The following SORL1 variants were observed in gnomAD, a reference collection of about 807,000 sequenced individuals.
The protein encoded by SORL1 is sortilin related receptor 1.
Under a neutral mutation model 273.7 loss-of-function variants are expected in SORL1, and 127 were observed. The observed-to-expected ratio is 0.46, with a 90% CI of 0.40 to 0.54. The LOEUF (loss-of-function observed/expected upper bound fraction) is 0.54. SORL1 is among the 20% of genes least tolerant of loss of function. The probability of loss-of-function intolerance (pLI) is 0.00; values close to 1 mark genes in which losing one functional copy is unlikely to be tolerated. For synonymous variants in SORL1, 1,031 were observed against 1,067.4 expected (o/e 0.97, Z 0.66); for missense variants, 2,494 against 2,846.1 (o/e 0.88, Z 2.81).
Position 121,540,419 on chromosome 11 carries a change from G to A in SORL1, c.1686-3129G>A, listed in dbSNP as rs181885203. Among the ~76,000 whole-genome samples, 731 of 151,590 alleles carry A rather than the reference G, an allele frequency of 4.8e-3. 2 individuals carry two copies. Among genetic ancestry groups the A allele is most frequent in the Non-Finnish European group, 7.7e-3 (523 of 67,934 alleles). On this transcript the variant is annotated intron_variant, in intron 12 of 47. Transcript: ENST00000260197. ...GGGCCAGACGCGGTGGCTCACGCCT[G>A]TAATCCCAGCACTCTGGGAGGCTGA...
chr11:121,537,440 A>G (rs1029350608), intron 12 of SORL1, among the ~76,000 whole-genome samples: 3 of 152,086 alleles, frequency 2.0e-5, no homozygotes, highest in African/African-American at 7.3e-5. Flanking sequence ...ACCTGGGATG[A>G]TGGGAGAAGT....
Position 121,596,048 on chromosome 11 carries a change from G to T in SORL1, c.4519+276G>T, listed in dbSNP as rs570803426. Among the ~76,000 whole-genome samples, 262 of 152,292 alleles carry T rather than the reference G, an allele frequency of 1.7e-3. No homozygotes were observed. The highest frequency in any genetic ancestry group is 6.1e-3 in the African/African-American group (254 of 41,556). ...ATGACTAAGATAAATATTTTAAATA[G>T]GTTTCATAAGCATGTTTAACTCTTT... On this transcript the variant is annotated intron_variant, in intron 32 of 47. Transcript: ENST00000260197. The surrounding 1 kb of genome is among the most constrained non-coding windows in gnomAD (Gnocchi z 4.3).
chr11:121,511,385 T>C (rs780763954), intron 6 of SORL1, among the ~76,000 whole-genome samples: 3 of 152,206 alleles, frequency 2.0e-5, no homozygotes, highest in Non-Finnish European at 2.9e-5. Flanking sequence ...AGCATAAAAA[T>C]GTATATTTCA....
intron 1 of SORL1, among the ~76,000 whole-genome samples, chr11:121,463,942 G>T (rs1861042599): frequency 6.6e-6 from 1 of 152,206 alleles, no homozygotes; most frequent in Non-Finnish European, 1.5e-5. Flanking sequence ...TGTTCTCCTT[G>T]GACCTCAGGA....
At position 121,619,818 on chromosome 11, in the gene SORL1, C is replaced by A. The variant is rs1565357143; in HGVS notation, c.5790C>A (p.Asp1930Glu). The A allele has an allele frequency of 6.2e-7, 1 of 1,613,980 alleles. No individual in the cohort carries two copies. Among genetic ancestry groups the A allele is most frequent in the Non-Finnish European group, 8.5e-7 (1 of 1,179,814 alleles). ...ACGTTGTAGTGAAGATGATCCCGGA[C>A]AGCAGGCTTCCACCCCGTCACCTGC... The part of the protein sequence containing the change: ...SDYVVVKMIP[D>E]SRLPPRHLHV... The change falls in exon 43 of 48, where the codon GAC becomes GAA. Residue 1930 changes from aspartate to glutamate, a missense_variant. Asp to Glu is a conservative substitution (Grantham distance 45). Around this residue, in one of 3 missense-constraint regions of SORL1, gnomAD observed 1,609 missense variants for 1,816.4 expected, o/e 0.89. Transcript: ENST00000260197.
Position 121,558,720 on chromosome 11 carries a change from G to T in SORL1, c.2793G>T (p.Gln931His). ...CCAATGGCATCTCTGTGGACGACCA[G>T]TGGATTTACTGGACGGATGCCTACC... ...KWPNGISVDD[Q>H]WIYWTDAYLE... is the part of the protein sequence containing the mutation. Residue 931 changes from glutamine (Q) to histidine (H), a missense_variant, in exon 20 of 48, where the codon CAG becomes CAT. By Grantham distance (24) the Gln-to-His change is conservative. Coordinates refer to ENST00000260197, the MANE Select transcript of SORL1 (RefSeq NM_003105.6). The T allele has an allele frequency of 6.2e-7, 1 of 1,614,222 alleles. No individual in the cohort carries two copies. The highest frequency in any genetic ancestry group is 8.5e-7 in the Non-Finnish European group (1 of 1,180,038).
At chr11:121,613,300 T>TCCAG (rs1023099932) in intron 40 of SORL1, among the ~76,000 whole-genome samples, 1 of 152,192 alleles carries the variant, frequency 6.6e-6, no homozygotes, top group Non-Finnish European at 1.5e-5. Context: ...GGAGGAGTGG[T>TCCAG]CCAGTCCCTG....
At position 121,557,393 on chromosome 11, in the gene SORL1, T is replaced by G; in HGVS notation, c.2651T>G (p.Val884Gly). Residue 884 changes from valine (V) to glycine (G), a missense_variant, in exon 19 of 48, where the codon GTG becomes GGG. Physicochemically the swap from Val to Gly is moderately radical, Grantham distance 109. Coordinates refer to ENST00000260197, the MANE Select transcript of SORL1 (RefSeq NM_003105.6). ...GATCGTCCCAGGGCTCTGGTCCTCG[T>G]GCCCCAAGAGGGGTAAGTGTTGCCC... is the stretch of plus-strand genomic sequence containing the variant. ...VLDRPRALVL[V>G]PQEGVMFWTD... is the part of the protein sequence containing the mutation. 6.2e-7 allele frequency: 1 copy of G among 1,613,720 alleles called. No individual in the cohort carries two copies. The highest frequency in any genetic ancestry group is 1.1e-5 in the South Asian group (1 of 91,072).
Position 121,559,641 on chromosome 11 carries a change from C to T in SORL1, c.3033C>T (p.Tyr1011=). 3 of 1,614,080 alleles carry T rather than the reference C, an allele frequency of 1.9e-6. No individual in the cohort carries two copies. Among genetic ancestry groups the T allele is most frequent in the South Asian group, 1.1e-5 (1 of 91,080 alleles). ...LTGLMDMKIF[Y]KGKNTGSNAC... ...GGCTCATGGACATGAAGATTTTCTA[C>T]AAGGGGAAGAACACTGGTAAGCCAG... Residue 1011 remains tyrosine (Y), a synonymous_variant, in exon 21 of 48, where the codon TAC becomes TAT. Coordinates refer to ENST00000260197, the MANE Select transcript of SORL1 (RefSeq NM_003105.6).
intron 40 of SORL1, among the ~76,000 whole-genome samples, chr11:121,613,128 T>C (rs1326391645): frequency 2.0e-5 from 3 of 152,198 alleles, no homozygotes; most frequent in Non-Finnish European, 4.4e-5. Context: ...GCAGATGAGT[T>C]TTGATTTCCA....
At chr11:121,491,912 G>A (rs1861560435) in intron 5 of SORL1, among the ~76,000 whole-genome samples, 1 of 152,082 alleles carries the variant, frequency 6.6e-6, no homozygotes, top group Admixed American at 6.5e-5. Context: ...CTTACCACAG[G>A]GAACAGGATA....
In SORL1 at chr11:121,550,969, G is replaced by T. The variant is rs757875372; in HGVS notation, c.2266+299G>T. Among the ~76,000 whole-genome samples, 1 of 152,176 alleles carries T rather than the reference G, an allele frequency of 6.6e-6. No individual in the cohort carries two copies. The highest frequency in any genetic ancestry group is 1.5e-5 in the Non-Finnish European group (1 of 68,022). On this transcript the variant is annotated intron_variant, in intron 16 of 47. Transcript: ENST00000260197. The surrounding 1 kb of genome is among the most constrained non-coding windows in gnomAD (Gnocchi z 5.3). ...CCACTGGGGTAGAAAGATCCCCACA[G>T]GCTTTTGTGTGTTCCTTAATCTGTT...
At chr11:121,486,993 A>G (rs1025692494) in intron 3 of SORL1, among the ~76,000 whole-genome samples, 2 of 152,108 alleles carry the variant, frequency 1.3e-5, no homozygotes, top group Non-Finnish European at 2.9e-5. Context: ...AACCCATGCT[A>G]TATCTCTTTT....
chr11:121,577,102 CACTG>C, intron 24 of SORL1, 175 bp from the exon 25 acceptor site: 1 of 1,073,892 alleles, frequency 9.3e-7, no homozygotes, highest in South Asian at 1.4e-5. Flanking sequence ...ATTTGCAGCA[CACTG>C]ACTGGAAGCT....
At chr11:121,628,561 C>T (rs989380910) in intron 47 of SORL1, among the ~76,000 whole-genome samples, 6 of 152,212 alleles carry the variant, frequency 3.9e-5, no homozygotes, top group African/African-American at 1.2e-4. Context: ...TGTACTGGTA[C>T]TGATGGCCCT....
At chr11:121,460,836 C>T (rs1335203502) in intron 1 of SORL1, among the ~76,000 whole-genome samples, 1 of 152,046 alleles carries the variant, frequency 6.6e-6, no homozygotes, top group Non-Finnish European at 1.5e-5. Flanking sequence ...TTAATAGGTA[C>T]CTGTGAGATA....
At chr11:121,490,236 A>G (rs1012693638) in intron 5 of SORL1, 126 bp downstream of exon 5, 3 of 678,420 alleles carry the variant, frequency 4.4e-6, no homozygotes, top group African/African-American at 1.8e-5. Flanking sequence ...ACATTTTTCC[A>G]GATCTGAGAA....
At chr11:121,590,434 A>G (rs910875597) in intron 30 of SORL1, 6 of 503,444 alleles carry the variant, frequency 1.2e-5, no homozygotes, top group Non-Finnish European at 2.1e-5. Context: ...ATGGTTTGCA[A>G]CCAGTAGCAT....
At chr11:121,498,839 G>A (rs572453800) in intron 6 of SORL1, among the ~76,000 whole-genome samples, 70 of 150,964 alleles carry the variant, frequency 4.6e-4, no homozygotes, top group Non-Finnish European at 6.2e-4. Context: ...TCATGCCATT[G>A]CACTCCAATC....
Sources: gnomAD v4.1 joint callset for allele counts (sites outside exome capture counted in the v4.1 genomes callset) on GRCh38, gnomAD v4.1.1 for gene constraint, gnomAD v4.1.1 regional missense constraint, Gnocchi (gnomAD v3.1) non-coding constraint, MANE v1.5 for transcripts, NCBI Gene and HGNC (gene_info 2026-07-23, HGNC 2026-07-21) for gene names.